Variants in ARHGAP10 observed in about 807,000 individuals in gnomAD.
The protein encoded by ARHGAP10 is Rho GTPase activating protein 10, also known as rho GTPase-activating protein 10.
In ARHGAP10, 87 loss-of-function variants were observed where a neutral mutation model predicts 108.6. The ratio of observed to expected loss-of-function variants is 0.80; its 90% CI spans 0.67 to 0.96. ARHGAP10 has a LOEUF of 0.96. Ranked by LOEUF, ARHGAP10 falls within the 40% of genes least tolerant of loss-of-function variation. The pLI, the probability that ARHGAP10 is intolerant of heterozygous loss-of-function variation, is 0.00. For missense variants in ARHGAP10, 939 were observed against 954.5 expected, an observed-to-expected ratio of 0.98 and a Z score of 0.21; for synonymous variants, 347 against 341.1, an observed-to-expected ratio of 1.02 and a Z score of -0.19.
rs1728848570 is a variant in ARHGAP10, at chr4:148,045,737, TCAAAAAA to T, written c.1868-1154_1868-1148del. On this transcript the variant is annotated intron_variant, in intron 19 of 22. Transcript: ENST00000336498. ...TGGGCAGCAAGAACGAAACTCCATCTCAAAAAAAAAAAAAAAAAAAAAAAAAAAGAAA... is the reference window on the plus strand; with the variant it reads ...TGGGCAGCAAGAACGAAACTCCATCTAAAAAAAAAAAAAAAAAAAAAGAAA... 2.1e-4 allele frequency among the ~76,000 whole-genome samples: 7 copies of T among 33,762 alleles called. No individual in the cohort carries two copies. The South Asian group carries it at 0.011, about 52-fold the overall frequency. The allele number at this position is 33,762 out of a possible 152,430, so 22.1% of individuals were successfully genotyped here.
intron 18 of ARHGAP10, among the ~76,000 whole-genome samples, chr4:148,016,499 G>A (rs1010852855): frequency 6.6e-6 from 1 of 151,790 alleles, no homozygotes; most frequent in Non-Finnish European, 1.5e-5. Context: ...GCAAGACCTT[G>A]TCTCTGAAAG....
intron 1 of ARHGAP10, among the ~76,000 whole-genome samples, chr4:147,738,350 G>C (rs1223391329): frequency 6.6e-6 from 1 of 151,962 alleles, no homozygotes; most frequent in African/African-American, 2.4e-5. Flanking sequence ...AGGAGATCGA[G>C]ACCATCCTGG....
chr4:147,838,029 A>G (rs1733247298), intron 3 of ARHGAP10, among the ~76,000 whole-genome samples: 1 of 152,208 alleles, frequency 6.6e-6, no homozygotes, highest in Non-Finnish European at 1.5e-5. Flanking sequence ...ATATGTGTCC[A>G]TATTTAAAAT....
At chr4:148,063,683 A>C (rs1445115926) in intron 21 of ARHGAP10, among the ~76,000 whole-genome samples, 1 of 152,246 alleles carries the variant, frequency 6.6e-6, no homozygotes, top group East Asian at 1.9e-4. Flanking sequence ...GGCCAAGTCC[A>C]TAGAGGACAG....
chr4:147,912,593 AT>A (rs1736800657), intron 12 of ARHGAP10, among the ~76,000 whole-genome samples: 1 of 98,482 alleles, frequency 1.0e-5, no homozygotes, highest in African/African-American at 3.4e-5. Flanking sequence ...ATATATATAT[AT>A]ATATAAAATT....
intron 1 of ARHGAP10, among the ~76,000 whole-genome samples, chr4:147,798,620 A>G (rs944770566): frequency 1.3e-5 from 2 of 151,696 alleles, no homozygotes; most frequent in African/African-American, 4.9e-5. Context: ...TCTCTACTAA[A>G]AATACAAAAG....
At chr4:147,997,457 G>T (rs967556792) in intron 18 of ARHGAP10, among the ~76,000 whole-genome samples, 1 of 152,112 alleles carries the variant, frequency 6.6e-6, no homozygotes, top group African/African-American at 2.4e-5. Flanking sequence ...CAAAACAAAT[G>T]AACAATTTAA....
Position 147,857,557 on chromosome 4 carries a change from A to C in ARHGAP10, c.389A>C (p.Glu130Ala). ...RKEQLGAVKE[E>A]KKKFDKETEK... ...TAGTTTTTTTTTTATTTGTAGGAAG[A>C]AAAAAAGAAGTTTGACAAAGAGACA... Residue 130 changes from glutamate to alanine, a missense_variant, in exon 5 of 23, where the codon GAA (glutamate) becomes GCA (alanine). Glu to Ala is a moderately radical substitution (Grantham distance 107). Coordinates refer to ENST00000336498, the MANE Select transcript of ARHGAP10 (RefSeq NM_024605.4). The C allele has an allele frequency of 6.8e-7, 1 of 1,471,130 alleles. No individual in the cohort carries two copies. The highest frequency in any genetic ancestry group is 1.5e-5 in the African/African-American group (1 of 68,534). 91.1% of individuals were successfully genotyped at this position (1,471,130 alleles called of 1,614,324 possible).
chr4:147,768,354 A>G, intron 1 of ARHGAP10, among the ~76,000 whole-genome samples: 1 of 152,202 alleles, frequency 6.6e-6, no homozygotes, highest in Admixed American at 6.5e-5. Context: ...ACTTCCTGAT[A>G]AGAACGTACT....
intron 18 of ARHGAP10, among the ~76,000 whole-genome samples, chr4:147,990,941 A>G (rs1293815094): frequency 6.6e-6 from 1 of 152,044 alleles, no homozygotes; most frequent in Non-Finnish European, 1.5e-5. Flanking sequence ...ACTTGGGACC[A>G]GGAGGTCGAG....
At chr4:148,009,442 A>G (rs373959232) in intron 18 of ARHGAP10, among the ~76,000 whole-genome samples, 4 of 152,296 alleles carry the variant, frequency 2.6e-5, no homozygotes, top group African/African-American at 7.2e-5. Context: ...GAGATCCTCA[A>G]TAATTTATAA....
At chr4:147,786,482 G>A (rs969453667) in intron 1 of ARHGAP10, among the ~76,000 whole-genome samples, 1 of 152,080 alleles carries the variant, frequency 6.6e-6, no homozygotes, top group Admixed American at 6.6e-5. Flanking sequence ...TTCTTTTTCC[G>A]CTTTTTCATT....
At chr4:148,009,640 G>A (rs1005484761) in intron 18 of ARHGAP10, among the ~76,000 whole-genome samples, 6 of 152,164 alleles carry the variant, frequency 3.9e-5, no homozygotes, top group Non-Finnish European at 7.3e-5. Flanking sequence ...TGTTTCTAGT[G>A]AACTTGTAGT....
chr4:148,036,406 C>T (rs1014192403), intron 19 of ARHGAP10, among the ~76,000 whole-genome samples: 11 of 152,250 alleles, frequency 7.2e-5, no homozygotes, highest in East Asian at 1.9e-4. Flanking sequence ...CCCCACGTGT[C>T]GTGGGAAGGA....
At chr4:148,013,073 T>C (rs931848294) in intron 18 of ARHGAP10, among the ~76,000 whole-genome samples, 1 of 152,200 alleles carries the variant, frequency 6.6e-6, no homozygotes, top group African/African-American at 2.4e-5. Context: ...AAAGTGTTCC[T>C]ATAAATTTTA....
At position 147,966,747 on chromosome 4, in the gene ARHGAP10, C is replaced by G. The variant is rs1244488823; in HGVS notation, c.1624C>G (p.Leu542Val). The G allele has an allele frequency of 1.1e-5, 18 of 1,607,084 alleles. No homozygotes were observed. The highest frequency in any genetic ancestry group is 1.5e-5 in the Non-Finnish European group (18 of 1,175,134). The part of the protein sequence containing the change: ...ANLGVVFGPT[L>V]MRPQEETVAA... ...CTTAGGAGTGGTGTTTGGACCAACT[C>G]TGATGAGGCCACAGGAAGAAACTGT... is the stretch of plus-strand genomic sequence containing the variant. The change falls in exon 18 of 23, where the codon CTG becomes GTG. Residue 542 changes from leucine (L) to valine (V), a missense_variant. Leu to Val is a conservative substitution (Grantham distance 32, BLOSUM62 1). Transcript: ENST00000336498.
At chr4:147,861,160 T>C (rs191832360) in intron 5 of ARHGAP10, 1 of 152,370 alleles carries the variant, frequency 6.6e-6, no homozygotes, top group East Asian at 1.9e-4. Flanking sequence ...GAGGAGTTCG[T>C]GAGTGAGTTC....
chr4:148,053,006 A>G (rs1729211158), intron 20 of ARHGAP10, among the ~76,000 whole-genome samples: 1 of 152,184 alleles, frequency 6.6e-6, no homozygotes, highest in Non-Finnish European at 1.5e-5. Context: ...TTCCAGGCTG[A>G]GAGACCATGG....
chr4:147,900,187 A>T (rs1177001875), intron 10 of ARHGAP10, among the ~76,000 whole-genome samples: 1 of 152,234 alleles, frequency 6.6e-6, no homozygotes, highest in Non-Finnish European at 1.5e-5. Flanking sequence ...TGTAGAATAC[A>T]GATAATAGGC....
Sources: gnomAD v4.1 joint callset for allele counts (sites outside exome capture counted in the v4.1 genomes callset) on GRCh38, gnomAD v4.1.1 for gene constraint, MANE v1.5 for transcripts, NCBI Gene and HGNC (gene_info 2026-07-23, HGNC 2026-07-21) for gene names.